RIMS2: variants seen among roughly 807,000 people sequenced by gnomAD.
The protein encoded by RIMS2 is regulating synaptic membrane exocytosis 2.
Under a neutral mutation model 174.4 loss-of-function variants are expected in RIMS2, and 59 were observed. The ratio of observed to expected loss-of-function variants is 0.34; its 90% CI spans 0.27 to 0.42. The LOEUF is 0.42. Ranked by LOEUF, RIMS2 falls within the 10% of genes least tolerant of loss-of-function variation. The pLI, the probability that RIMS2 is intolerant of heterozygous loss-of-function variation, is 1.00. For missense variants in RIMS2, 1,620 were observed against 1,666.3 expected (o/e 0.97, Z 0.48); for synonymous variants, 606 against 572.5 (o/e 1.06, Z -0.84).
intron 2 of RIMS2, among the ~76,000 whole-genome samples, chr8:103,737,346 G>A (rs2097699853): frequency 6.6e-6 from 1 of 151,404 alleles, no homozygotes; most frequent in Non-Finnish European, 1.5e-5. Flanking sequence ...ACCATGTCTG[G>A]CTAATTTTTT....
At chr8:103,917,415 T>C (rs1317498221) in intron 8 of RIMS2, among the ~76,000 whole-genome samples, 2 of 152,072 alleles carry the variant, frequency 1.3e-5, no homozygotes, top group African/African-American at 4.8e-5. Context: ...GCACTTGAAA[T>C]TGTATTCATT....
intron 1 of RIMS2, among the ~76,000 whole-genome samples, chr8:103,645,987 T>C (rs917283658): frequency 1.3e-5 from 2 of 151,942 alleles, no homozygotes; most frequent in Admixed American, 1.3e-4. Context: ...GGCTGTTTTA[T>C]AAGATTTGGG....
intron 14 of RIMS2, among the ~76,000 whole-genome samples, chr8:103,959,478 A>G (rs1595854473): frequency 1.3e-5 from 2 of 151,956 alleles, no homozygotes; most frequent in East Asian, 1.9e-4. Flanking sequence ...GCTGTAGTGC[A>G]GTGGCGTGAT....
intron 2 of RIMS2, among the ~76,000 whole-genome samples, chr8:103,698,162 A>C (rs577295875): frequency 6.6e-6 from 1 of 152,116 alleles, no homozygotes; most frequent in Non-Finnish European, 1.5e-5. Context: ...GTTAATCCCC[A>C]TTTTTCATTA....
At chr8:103,724,159 T>C (rs56139465) in intron 2 of RIMS2, among the ~76,000 whole-genome samples, 18,870 of 151,618 alleles carry the variant, frequency 0.12, 1,273 homozygotes, top group Middle Eastern at 0.22. Context: ...CTCTTCGATG[T>C]GTCTGTTCTT....
intron 3 of RIMS2, chr8:103,819,670 T>C: frequency 1.3e-6 from 2 of 1,488,346 alleles, no homozygotes; most frequent in Non-Finnish European, 1.8e-6. Flanking sequence ...ATATTGTTAT[T>C]TTCAGAATAA....
At chr8:104,159,655 A>G (rs1279475022) in intron 19 of RIMS2, among the ~76,000 whole-genome samples, 4 of 151,938 alleles carry the variant, frequency 2.6e-5, no homozygotes, top group Non-Finnish European at 4.4e-5. Context: ...TGTGGTTTGG[A>G]TTTGCATTTC....
chr8:103,566,088 G>A (rs1322883049), intron 1 of RIMS2, among the ~76,000 whole-genome samples: 4 of 152,152 alleles, frequency 2.6e-5, no homozygotes, highest in Non-Finnish European at 5.9e-5. Flanking sequence ...AACTGTCATG[G>A]TTCTGCTGAG....
intron 19 of RIMS2, among the ~76,000 whole-genome samples, chr8:104,119,775 A>G (rs1258464127): frequency 6.6e-6 from 1 of 152,202 alleles, no homozygotes; most frequent in Non-Finnish European, 1.5e-5. Flanking sequence ...ATTCTTGCCT[A>G]TCATATTGCT....
intron 15 of RIMS2, among the ~76,000 whole-genome samples, chr8:103,968,982 G>A (rs765520637): frequency 3.8e-4 from 57 of 151,972 alleles, no homozygotes; most frequent in Non-Finnish European, 7.5e-4. Context: ...ACAGGTCCTA[G>A]GATTCTAGGT....
intron 3 of RIMS2, among the ~76,000 whole-genome samples, chr8:103,805,507 T>A (rs1176405976): frequency 6.6e-6 from 1 of 152,146 alleles, no homozygotes; most frequent in South Asian, 2.1e-4. Context: ...TTTGACACAG[T>A]TGGAAATTTT....
At chr8:104,034,719 C>T (rs1454705174) in intron 19 of RIMS2, among the ~76,000 whole-genome samples, 2 of 152,006 alleles carry the variant, frequency 1.3e-5, no homozygotes, top group Non-Finnish European at 2.9e-5. Flanking sequence ...ATCCACCCAC[C>T]TCAGCCTCCC....
chr8:104,000,509 G>T (rs1477611750), intron 17 of RIMS2, among the ~76,000 whole-genome samples: 3 of 151,788 alleles, frequency 2.0e-5, no homozygotes, highest in African/African-American at 4.8e-5. Flanking sequence ...AAATAGTGCT[G>T]CAGTAAACAT....
intron 1 of RIMS2, among the ~76,000 whole-genome samples, chr8:103,635,280 A>T (rs1159716758): frequency 6.6e-6 from 1 of 152,110 alleles, no homozygotes; most frequent in Non-Finnish European, 1.5e-5. Context: ...GTTTCTTAAC[A>T]TTTTCTTATC....
chr8:103,568,539 A>G, intron 1 of RIMS2: 1 of 428,996 alleles, frequency 2.3e-6, no homozygotes, highest in Non-Finnish European at 4.5e-6. Flanking sequence ...CATAGTATTC[A>G]CTGGTGCTAT....
intron 1 of RIMS2, among the ~76,000 whole-genome samples, chr8:103,623,462 A>G (rs983109615): frequency 6.7e-6 from 1 of 148,626 alleles, no homozygotes. Context: ...ATAAAAATTA[A>G]ACTAGGGTTT....
chr8:104,111,828 C>G (rs2098189804), intron 19 of RIMS2, among the ~76,000 whole-genome samples: 1 of 152,126 alleles, frequency 6.6e-6, no homozygotes, highest in Non-Finnish European at 1.5e-5. Flanking sequence ...TACATGTGTG[C>G]ATGCATGCAT....
rs112166531 is a variant in RIMS2, at chr8:103,575,679, C to CATATATATATATATATAT, written c.176+74618_176+74619insTATATATATATATATATA. Reference sequence around the variant, plus strand: ...ATATATAAACACACACATACACACACACACACATATATATATATATACACA... The same window carrying CATATATATATATATATAT: ...ATATATAAACACACACATACACACACATATATATATATATATATACACACATATATATATATATACACA... On this transcript the variant is annotated intron_variant, in intron 1 of 23. Coordinates refer to ENST00000504942, the Ensembl canonical transcript of RIMS2. Among the ~76,000 whole-genome samples the CATATATATATATATATAT allele has an allele frequency of 1.1e-4, 15 of 141,036 alleles. No individual in the cohort carries two copies. In the East Asian group the frequency reaches 2.4e-3, roughly 22 times the overall value. 92.5% of individuals were successfully genotyped at this position (141,036 alleles called of 152,430 possible).
At chr8:104,084,758 ATACT>A (rs1439205248) in intron 19 of RIMS2, among the ~76,000 whole-genome samples, 6 of 152,248 alleles carry the variant, frequency 3.9e-5, no homozygotes, top group South Asian at 2.1e-4. Flanking sequence ...ATCATGGTAA[ATACT>A]TACTATATGT....
Sources: gnomAD v4.1 joint callset for allele counts (sites outside exome capture counted in the v4.1 genomes callset) on GRCh38, gnomAD v4.1.1 for gene constraint, MANE v1.5 for transcripts, NCBI Gene and HGNC (gene_info 2026-07-23, HGNC 2026-07-21) for gene names.